The following RIMS3 variants were observed in gnomAD, a reference collection of about 807,000 sequenced individuals.
RIMS3 encodes the protein regulating synaptic membrane exocytosis protein 3.
Under a neutral mutation model 29.2 loss-of-function variants are expected in RIMS3, and 15 were observed. That is an observed-to-expected ratio of 0.51 (90% CI 0.34 to 0.79). The LOEUF (loss-of-function observed/expected upper bound fraction) is 0.79. RIMS3 is among the 30% of genes least tolerant of loss of function. The pLI is 0.01. For synonymous variants in RIMS3, 161 were observed against 170.1 expected, an observed-to-expected ratio of 0.95 and a Z score of 0.41; for missense variants, 342 against 421.4, an observed-to-expected ratio of 0.81 and a Z score of 1.65.
chr1:40,676,306 CTG>C, the RIMS3 span, among the ~76,000 whole-genome samples: 1 of 152,136 alleles, frequency 6.6e-6, no homozygotes, highest in African/African-American at 2.4e-5. Flanking sequence ...TTTCTGAACA[CTG>C]TGTAGAGGGG....
At position 40,623,747 on chromosome 1, in the gene RIMS3, A is replaced by C. The variant is rs1646436509; in HGVS notation, c.*2770T>G. ...CTTGTGCATTCTCCTCTTCTGGGAC[A>C]GGCTAGGTCCAGAGTGGCTTTTCAG... On this transcript the variant is annotated 3_prime_UTR_variant, in exon 8 of 8. Transcript: ENST00000372684. 1 of 380,414 alleles carries C rather than the reference A, an allele frequency of 2.6e-6. No homozygotes were observed. The highest frequency in any genetic ancestry group is 2.1e-5 in the African/African-American group (1 of 46,826). The allele number at this position is 380,414 out of a possible 1,614,324, so 23.6% of individuals were successfully genotyped here. A position where few individuals can be genotyped will look rare whatever the true frequency, so the allele number is the denominator to read the frequency against.
the RIMS3 span, among the ~76,000 whole-genome samples, chr1:40,674,826 A>G: frequency 6.6e-6 from 1 of 152,212 alleles, no homozygotes; most frequent in Non-Finnish European, 1.5e-5. Context: ...CAGGCTTTAG[A>G]GCTGTAAGAA....
upstream of RIMS3, among the ~76,000 whole-genome samples, chr1:40,668,502 G>T (rs965291153): frequency 3.9e-5 from 5 of 127,034 alleles, no homozygotes; most frequent in African/African-American, 1.4e-4. Flanking sequence ...GGGGGGGGGG[G>T]GGTTGGTGGC....
the RIMS3 span, among the ~76,000 whole-genome samples, chr1:40,688,622 G>A: frequency 3.3e-5 from 5 of 152,162 alleles, no homozygotes; most frequent in Non-Finnish European, 7.3e-5. Context: ...GACACTTGCT[G>A]GGTGAACATA....
chr1:40,685,495 G>C, the RIMS3 span, among the ~76,000 whole-genome samples: 1 of 151,746 alleles, frequency 6.6e-6, no homozygotes, highest in Non-Finnish European at 1.5e-5. Flanking sequence ...GTTCAAGGTG[G>C]AAGTGTCTCA....
the RIMS3 span, among the ~76,000 whole-genome samples, chr1:40,670,730 A>C: frequency 6.6e-6 from 1 of 150,950 alleles, no homozygotes; most frequent in Non-Finnish European, 1.5e-5. Context: ...CTGGGATTAC[A>C]GGCATGTGCC....
chr1:40,681,308 G>A, the RIMS3 span, among the ~76,000 whole-genome samples: 3 of 152,182 alleles, frequency 2.0e-5, no homozygotes, highest in Admixed American at 6.5e-5. Context: ...CAAGTAGTGA[G>A]TGTGGAAGGA....
rs184708940 is a variant in RIMS3 at position 40,635,400 on chromosome 1, C to T, written c.359+516G>A. Among the ~76,000 whole-genome samples, 3 of 152,278 alleles carry T rather than the reference C, an allele frequency of 2.0e-5. No homozygotes were observed. The East Asian group carries it at 5.8e-4, about 29-fold the overall frequency. On this transcript the variant is annotated intron_variant, in intron 4 of 7. Transcript: ENST00000372684. The surrounding 1 kb of genome is among the most constrained non-coding windows in gnomAD (Gnocchi z 4.1). ...TTTATTCTTACTTCATAAGATATGT[C>T]TATTTCTTTTTCTAATGCTGGTTTT...
chr1:40,649,195 A>G (rs1167588654), intron 1 of RIMS3, among the ~76,000 whole-genome samples: 1 of 152,188 alleles, frequency 6.6e-6, no homozygotes, highest in Non-Finnish European at 1.5e-5. Flanking sequence ...AGACACACAC[A>G]CACACACACA....
chr1:40,629,315 T>G lies in RIMS3; in HGVS notation c.530A>C (p.Glu177Ala), dbSNP rs1646474081. Residue 177 changes from glutamate to alanine, a missense_variant, in exon 6 of 8, where the codon GAA becomes GCA. Glu to Ala is a moderately radical substitution (Grantham distance 107). Transcript: ENST00000372684. Reference sequence around the variant, plus strand: ...TGGTTTGGGGGTCAGGCCCCGAGCTTCAATCACTTCCACCTCCAGCTGGCC... The same window carrying G: ...TGGTTTGGGGGTCAGGCCCCGAGCTGCAATCACTTCCACCTCCAGCTGGCC... ...RSGQLEVEVI[E>A]ARGLTPKPGS... 4 of 1,614,090 alleles carry G rather than the reference T, an allele frequency of 2.5e-6. No homozygotes were observed. The highest frequency in any genetic ancestry group is 3.4e-6 in the Non-Finnish European group (4 of 1,179,992).
intron 1 of RIMS3, among the ~76,000 whole-genome samples, chr1:40,651,511 C>T (rs1485699485): frequency 6.6e-6 from 1 of 152,154 alleles, no homozygotes; most frequent in African/African-American, 2.4e-5. Context: ...TTTAAGCCAC[C>T]CTGTTTGTGG....
At chr1:40,675,591 C>A in the RIMS3 span, among the ~76,000 whole-genome samples, 7 of 152,030 alleles carry the variant, frequency 4.6e-5, no homozygotes, top group Non-Finnish European at 8.8e-5. Context: ...AACCCTGTCT[C>A]TACTAAAAAT....
At chr1:40,675,108 A>C in the RIMS3 span, among the ~76,000 whole-genome samples, 1 of 152,098 alleles carries the variant, frequency 6.6e-6, no homozygotes, top group Non-Finnish European at 1.5e-5. Context: ...AAGGAAAAAA[A>C]ATTTTTTTTA....
intron 7 of RIMS3, among the ~76,000 whole-genome samples, 190 bp downstream of exon 7, chr1:40,628,620 C>A (rs1051026226): frequency 1.3e-5 from 2 of 152,176 alleles, no homozygotes; most frequent in African/African-American, 4.8e-5. Context: ...TTGATTACCC[C>A]CAAAACCTTG....
At chr1:40,630,416 G>A (rs113533358) in intron 5 of RIMS3, among the ~76,000 whole-genome samples, 2,542 of 152,254 alleles carry the variant, frequency 0.017, 30 homozygotes, top group Middle Eastern at 0.051. Context: ...TCTTTTACAG[G>A]GGTGCAGAAT....
intron 6 of RIMS3, 59 bp from the exon 7 acceptor site, chr1:40,629,008 C>T: frequency 2.5e-6 from 4 of 1,601,370 alleles, no homozygotes; most frequent in Non-Finnish European, 3.4e-6. Flanking sequence ...TTTGGCCTGC[C>T]CATCCCCTAA....
At chr1:40,685,993 C>CA in the RIMS3 span, among the ~76,000 whole-genome samples, 5 of 151,868 alleles carry the variant, frequency 3.3e-5, no homozygotes, top group Admixed American at 2.6e-4. Context: ...ACTAAAAATA[C>CA]AAAAAATTAG....
At chr1:40,682,954 TG>T in the RIMS3 span, among the ~76,000 whole-genome samples, 2 of 152,008 alleles carry the variant, frequency 1.3e-5, no homozygotes, top group African/African-American at 4.8e-5. Context: ...TTGGCCAGGC[TG>T]GTCTTGAACT....
chr1:40,636,060 G>A lies in RIMS3; in HGVS notation c.218-3C>T, dbSNP rs1411011688. ...GCGCAGCTTCTTGGTGGCCCCTTCT[G>A]TGACCCCCCCAACCCCAAGCACAGA... On this transcript the variant is annotated splice_polypyrimidine_tract_variant and splice_region_variant and intron_variant, in intron 3 of 7. Coordinates refer to ENST00000372684, the MANE Select transcript of RIMS3 (RefSeq NM_014747.3). The surrounding 1 kb of genome is among the most constrained non-coding windows in gnomAD (Gnocchi z 4.2). 4 of 1,602,600 alleles carry A rather than the reference G, an allele frequency of 2.5e-6. No homozygotes were observed.
Sources: gnomAD v4.1 joint callset for allele counts (sites outside exome capture counted in the v4.1 genomes callset) on GRCh38, gnomAD v4.1.1 for gene constraint, Gnocchi (gnomAD v3.1) non-coding constraint, MANE v1.5 for transcripts, NCBI Gene and HGNC (gene_info 2026-07-23, HGNC 2026-07-21) for gene names.